ARHGAP30: variants seen among roughly 807,000 people sequenced by gnomAD.
ARHGAP30 encodes Rho GTPase activating protein 30.
ARHGAP30 carries 23 observed loss-of-function variants against 72.0 expected under a neutral mutation model. The observed-to-expected ratio is 0.32, with a 90% CI of 0.23 to 0.45. The LOEUF is 0.45. ARHGAP30 is among the 20% of genes least tolerant of loss of function. The pLI is 1.00. For synonymous variants in ARHGAP30, 576 were observed against 528.2 expected (o/e 1.09, Z -1.24); for missense variants, 1,319 against 1,383.4 (o/e 0.95, Z 0.74).
chr1:161,061,322 C>T (rs1324774075), intron 1 of ARHGAP30, among the ~76,000 whole-genome samples: 4 of 151,632 alleles, frequency 2.6e-5, no homozygotes, highest in Admixed American at 1.3e-4. Context: ...CGCGCCACCA[C>T]GCCCAGCTAA....
At chr1:161,060,641 A>C (rs1246011625) in intron 1 of ARHGAP30, among the ~76,000 whole-genome samples, 1 of 150,006 alleles carries the variant, frequency 6.7e-6, no homozygotes, top group Non-Finnish European at 1.5e-5. Context: ...GTCTGTAATT[A>C]CTAGTTATTT....
chr1:161,062,557 C>T (rs558607491), intron 1 of ARHGAP30, among the ~76,000 whole-genome samples: 39 of 151,976 alleles, frequency 2.6e-4, no homozygotes, highest in Non-Finnish European at 2.9e-5. Context: ...AGCAAAACCC[C>T]GTCTCTACTA....
chr1:161,069,137 C>T lies in ARHGAP30; in HGVS notation c.97+391G>A, dbSNP rs1652978968. On this transcript the variant is annotated intron_variant, in intron 1 of 11. Transcript: ENST00000368013. The surrounding 1 kb of genome is among the most constrained non-coding windows in gnomAD (Gnocchi z 4.9). Reference sequence around the variant, plus strand: ...ATTTCCCTGTCTCCTTTCATTCAGACCTAAGGATAATCATTTCCCCTTCAG... The same window carrying T: ...ATTTCCCTGTCTCCTTTCATTCAGATCTAAGGATAATCATTTCCCCTTCAG... Among the ~76,000 whole-genome samples the T allele has an allele frequency of 6.6e-6, 1 of 152,062 alleles. No homozygotes were observed. Among genetic ancestry groups the T allele is most frequent in the Non-Finnish European group, 1.5e-5 (1 of 68,006 alleles).
chr1:161,056,700 A>G (rs12130871), intron 2 of ARHGAP30, among the ~76,000 whole-genome samples, 168 bp from the exon 3 acceptor site: 42,383 of 151,974 alleles, frequency 0.28, 6,093 homozygotes, highest in Non-Finnish European at 0.33. Context: ...AAGATATTGC[A>G]TATGTTGACA....
rs1429521215 is a variant in ARHGAP30, at chr1:161,056,165, G to A, written c.345+223C>T. ...ATCTTCAGGCCTTAGGGAGAAAGAA[G>A]GACATAGCAGAGAGAGAGTGAAGAG... On this transcript the variant is annotated intron_variant, in intron 3 of 11. Transcript: ENST00000368013. Among the ~76,000 whole-genome samples the A allele has an allele frequency of 2.6e-5, 4 of 152,170 alleles. No homozygotes were observed. The South Asian group carries it at 6.2e-4, about 24-fold the overall frequency.
Position 161,052,281 on chromosome 1 carries a change from C to T in ARHGAP30, c.1018+5G>A, listed in dbSNP as rs766920984. On this transcript the variant is annotated splice_donor_5th_base_variant and intron_variant, in intron 9 of 11. Transcript: ENST00000368013. ...ATACACACAGAAATGCACCCCTATACTCACCATCACTGGCCCCAGCTGCAG... is the reference window on the plus strand; with the variant it reads ...ATACACACAGAAATGCACCCCTATATTCACCATCACTGGCCCCAGCTGCAG... 2.5e-6 allele frequency: 4 copies of T among 1,613,790 alleles called. No individual in the cohort carries two copies. In the African/African-American group the frequency reaches 5.3e-5, roughly 22 times the overall value.
At chr1:161,056,365 C>T (rs1225719101) in intron 3 of ARHGAP30, 23 bp downstream of exon 3, 1 of 1,610,920 alleles carries the variant, frequency 6.2e-7, no homozygotes, top group Non-Finnish European at 8.5e-7. Flanking sequence ...CCCTGTCTTC[C>T]ACCCCTCGGC....
In ARHGAP30 at chr1:161,049,637, T is replaced by C. The variant is rs1164910877; in HGVS notation, c.1473A>G (p.Pro491=). The change falls in exon 11 of 12, where the codon CCA becomes CCG. Residue 491 remains proline, a synonymous_variant. Transcript: ENST00000368013. Reference sequence around the variant, plus strand: ...CCTCCAGGGCAGGAGCCAAGTCGTCTGGGCCTGAGTCTGCCAGGGGACTTG... The same window carrying C: ...CCTCCAGGGCAGGAGCCAAGTCGTCCGGGCCTGAGTCTGCCAGGGGACTTG... The part of the protein sequence containing the change: ...PASSPLADSG[P]DDLAPALEDS... 6.2e-7 allele frequency: 1 copy of C among 1,614,032 alleles called. No individual in the cohort carries two copies. The highest frequency in any genetic ancestry group is 2.2e-5 in the East Asian group (1 of 44,886).
rs1651464642 is a variant in ARHGAP30 at position 161,052,321 on chromosome 1, A to G, written c.983T>C (p.Met328Thr). The G allele has an allele frequency of 1.9e-6, 3 of 1,613,958 alleles. No individual in the cohort carries two copies. The highest frequency in any genetic ancestry group is 1.3e-5 in the African/African-American group (1 of 75,020). The part of the protein sequence containing the change: ...NKGTLRPAKS[M>T]DSLSAAAGAS... ...CCCAGCTGCAGCACTCAGTGAGTCC[A>G]TGCTTTTGGCTGGCCGCAGTGTCCC... The change falls in exon 9 of 12, where the codon ATG becomes ACG. Residue 328 changes from methionine to threonine, a missense_variant. This residue lies in a region of ARHGAP30 where 1,097 missense variants were observed against 1,045.2 expected (regional missense o/e 1.05). Transcript: ENST00000368013.
intron 9 of ARHGAP30, 41 bp downstream of exon 9, chr1:161,052,245 A>G (rs1257758159): frequency 6.2e-7 from 1 of 1,606,678 alleles, no homozygotes; most frequent in Non-Finnish European, 8.5e-7. Context: ...CTGGTCACAT[A>G]GCACACACAC....
In ARHGAP30 at chr1:161,054,648, G is replaced by C; in HGVS notation, c.403C>G (p.Arg135Gly). Residue 135 changes from arginine to glycine, a missense_variant, in exon 4 of 12, where the codon CGG becomes GGG. Coordinates refer to ENST00000368013, the MANE Select transcript of ARHGAP30 (RefSeq NM_001025598.2). ...CTGTAGTTTGGGACAGGGAGTTCCC[G>C]AAGCACCTCTAGGATCTTGACCAAG... ...ERLVKILEVL[R>G]ELPVPNYRTL... 1.2e-5 allele frequency: 19 copies of C among 1,614,020 alleles called. No individual in the cohort carries two copies. Among genetic ancestry groups the C allele is most frequent in the Non-Finnish European group, 1.6e-5 (19 of 1,180,008 alleles).
Position 161,051,321 on chromosome 1 carries a change from G to A in ARHGAP30, c.1413C>T (p.Gly471=), listed in dbSNP as rs773130420. Residue 471 remains glycine (G), a synonymous_variant, in exon 10 of 12, where the codon GGC becomes GGT. Transcript: ENST00000368013. ...CAATCAATGGGTCCTCACCTGGGGG[G>A]CCAGGGCCAAGGCCAGGGCCAGGGC... ...GPGPGPGLGP[G]PPDEKLEASP... 9 of 1,596,886 alleles carry A rather than the reference G, an allele frequency of 5.6e-6. No homozygotes were observed. The East Asian group carries it at 6.7e-5, about 12-fold the overall frequency.
chr1:161,048,668 C>T lies in ARHGAP30; in HGVS notation c.2353G>A (p.Val785Ile), dbSNP rs1453775252. The T allele has an allele frequency of 6.2e-7, 1 of 1,614,030 alleles. No individual in the cohort carries two copies. Among genetic ancestry groups the T allele is most frequent in the African/African-American group, 1.3e-5 (1 of 74,896 alleles). ...EDQVAEEKWE[V>I]VQKQEAEGVR... ...CCCTCAGCCTCTTGTTTCTGTACAA[C>T]TTCCCATTTCTCCTCAGCAACTTGA... The change falls in exon 12 of 12, where the codon GTT (valine) becomes ATT (isoleucine). Residue 785 changes from valine to isoleucine, a missense_variant. Transcript: ENST00000368013.
rs1289133377 is a variant in ARHGAP30, at chr1:161,054,350, T to C, written c.536+16A>G. ...GTCTCACAGGATCCCCATACACTGC[T>C]CACACAGGCACCTACCTCAGCAGGT... On this transcript the variant is annotated intron_variant, in intron 5 of 11. Coordinates refer to ENST00000368013, the MANE Select transcript of ARHGAP30 (RefSeq NM_001025598.2). 1 of 1,610,254 alleles carries C rather than the reference T, an allele frequency of 6.2e-7. No homozygotes were observed. The highest frequency in any genetic ancestry group is 8.5e-7 in the Non-Finnish European group (1 of 1,177,798).
At chr1:161,051,748 A>C (rs781393930) in intron 9 of ARHGAP30, 33 bp from the exon 10 acceptor site, 2 of 1,555,780 alleles carry the variant, frequency 1.3e-6, no homozygotes, top group South Asian at 2.4e-5. Flanking sequence ...GGTAGGCAAT[A>C]GCCTAAACTC....
At chr1:161,064,928 A>AGGAAG (rs530695080) in intron 1 of ARHGAP30, among the ~76,000 whole-genome samples, 1 of 150,848 alleles carries the variant, frequency 6.6e-6, no homozygotes, top group Non-Finnish European at 1.5e-5. Flanking sequence ...AGAAAAGGAA[A>AGGAAG]GGAAGGGAAG....
At position 161,049,588 on chromosome 1, in the gene ARHGAP30, C is replaced by A; in HGVS notation, c.1522G>T (p.Asp508Tyr). The change falls in exon 11 of 12, where the codon GAC becomes TAC. Residue 508 changes from aspartate (D) to tyrosine (Y), a missense_variant. By Grantham distance (160) the Asp-to-Tyr change is radical. Transcript: ENST00000368013. Reference protein sequence around the residue: ...LEDSLSQEVQDSFSFLEDSSS... With the variant: ...LEDSLSQEVQYSFSFLEDSSS... ...GAGTCCTCTAGGAAGGAGAAGGAGT[C>A]CTGCACCTCCTGGGACAGCGAGTCC... 6.2e-7 allele frequency: 1 copy of A among 1,614,104 alleles called. No homozygotes were observed. Among genetic ancestry groups the A allele is most frequent in the Non-Finnish European group, 8.5e-7 (1 of 1,179,992 alleles).
In ARHGAP30 at chr1:161,047,762, A is replaced by G. The variant is rs773900067; in HGVS notation, c.3259T>C (p.Tyr1087His). Residue 1087 changes from tyrosine to histidine, a missense_variant, in exon 12 of 12, where the codon TAT becomes CAT. Around this residue, in one of 2 missense-constraint regions of ARHGAP30, gnomAD observed 1,097 missense variants for 1,045.2 expected, o/e 1.05. Coordinates refer to ENST00000368013, the MANE Select transcript of ARHGAP30 (RefSeq NM_001025598.2). ...GGGTTAGCCTGTGTTTCAAATGCAT[A>G]TGACCTGCGCTGAGAGGACAACAGG... Reference protein sequence around the residue: ...DPLLSSQRRSYAFETQANPGK... With the variant: ...DPLLSSQRRSHAFETQANPGK... The G allele has an allele frequency of 2.7e-5, 42 of 1,556,350 alleles. 1 individual carries two copies. Among genetic ancestry groups the G allele is most frequent in the East Asian group, 1.8e-4 (8 of 44,530 alleles).
At position 161,047,823 on chromosome 1, in the gene ARHGAP30, A is replaced by G. The variant is rs746844074; in HGVS notation, c.3198T>C (p.Leu1066=). ...CCTGGGGTTCTCTGGGGGGCAGACT[A>G]AGACGACTCCGGGATCCAGACCCTT... The part of the protein sequence containing the change: ...GAEGSGSRSR[L]SLPPREPQVP... The change falls in exon 12 of 12, where the codon CTT becomes CTC. Residue 1066 remains leucine (L), a synonymous_variant. Transcript: ENST00000368013. 4.2e-5 allele frequency: 67 copies of G among 1,610,058 alleles called. No homozygotes were observed. Among genetic ancestry groups the G allele is most frequent in the Non-Finnish European group, 5.2e-5 (61 of 1,178,454 alleles).
Sources: gnomAD v4.1 joint callset for allele counts (sites outside exome capture counted in the v4.1 genomes callset) on GRCh38, gnomAD v4.1.1 for gene constraint, gnomAD v4.1.1 regional missense constraint, Gnocchi (gnomAD v3.1) non-coding constraint, MANE v1.5 for transcripts, NCBI Gene and HGNC (gene_info 2026-07-23, HGNC 2026-07-21) for gene names.